The following MED12L variants were observed in gnomAD, a reference collection of about 807,000 sequenced individuals.
MED12L encodes the protein mediator of RNA polymerase II transcription subunit 12-like protein.
Under a neutral mutation model 281.3 loss-of-function variants are expected in MED12L, and 60 were observed. The ratio of observed to expected loss-of-function variants is 0.21; its 90% CI spans 0.17 to 0.26. MED12L has a LOEUF of 0.26. Among genes scored for constraint, MED12L ranks in the 10% least tolerant of loss-of-function variants. MED12L has a pLI of 1.00. For missense variants in MED12L, 2,146 were observed against 2,680.9 expected (o/e 0.80, Z 4.41); for synonymous variants, 974 against 987.2 (o/e 0.99, Z 0.25).
chr3:151,099,019 A>G (rs1721078228), intron 2 of MED12L, among the ~76,000 whole-genome samples: 1 of 152,196 alleles, frequency 6.6e-6, no homozygotes, highest in South Asian at 2.1e-4. Context: ...TAAAACCATC[A>G]GCTCTCATGA....
At chr3:151,196,239 T>G (rs1576938284) in intron 16 of MED12L, among the ~76,000 whole-genome samples, 6 of 152,324 alleles carry the variant, frequency 3.9e-5, no homozygotes. Context: ...ATTGATATTG[T>G]AGGATACATT....
At chr3:151,271,333 A>T (rs1740901621) in intron 16 of MED12L, among the ~76,000 whole-genome samples, 1 of 152,228 alleles carries the variant, frequency 6.6e-6, no homozygotes, top group Non-Finnish European at 1.5e-5. Flanking sequence ...CACCCATTAG[A>T]ATGGAAAAAA....
intron 21 of MED12L, among the ~76,000 whole-genome samples, chr3:151,362,305 C>T (rs781571032): frequency 6.6e-6 from 1 of 152,100 alleles, no homozygotes; most frequent in Non-Finnish European, 1.5e-5. Flanking sequence ...ATAAAATTCA[C>T]CATCCCTACC....
intron 21 of MED12L, 59 bp downstream of exon 21, chr3:151,360,664 C>T (rs1754495559): frequency 6.9e-7 from 1 of 1,459,134 alleles, no homozygotes; most frequent in Non-Finnish European, 9.4e-7. Flanking sequence ...TGTTAGTGAC[C>T]CTGACAATAT....
At chr3:151,097,241 T>C (rs537259882) in intron 2 of MED12L, among the ~76,000 whole-genome samples, 1 of 152,338 alleles carries the variant, frequency 6.6e-6, no homozygotes, top group African/African-American at 2.4e-5. Context: ...GGAAGCGATA[T>C]GTACATGACA....
chr3:151,344,686 CT>C (rs1431622495), intron 16 of MED12L, among the ~76,000 whole-genome samples: 1 of 152,118 alleles, frequency 6.6e-6, no homozygotes, highest in Non-Finnish European at 1.5e-5. Context: ...CATATTTTGT[CT>C]TATCAGAAGG....
At chr3:151,187,113 T>C (rs901115800) in intron 12 of MED12L, among the ~76,000 whole-genome samples, 1 of 152,208 alleles carries the variant, frequency 6.6e-6, no homozygotes, top group Non-Finnish European at 1.5e-5. Context: ...CTTGAAGATA[T>C]TAATGTTAAG....
intron 16 of MED12L, chr3:151,337,707 T>A (rs1751195473): frequency 1.9e-6 from 2 of 1,066,252 alleles, no homozygotes; most frequent in Admixed American, 4.4e-5. Flanking sequence ...TTCTTTAGAG[T>A]CATTATTATT....
intron 43 of MED12L, among the ~76,000 whole-genome samples, chr3:151,419,403 A>G (rs1386120678): frequency 2.6e-5 from 4 of 152,186 alleles, no homozygotes; most frequent in Admixed American, 6.5e-5. Flanking sequence ...CGGGAGAAAG[A>G]TGTAGGCTGG....
rs71801434 is a variant in MED12L at position 151,269,397 on chromosome 3, TCACACACACACACACACA to T, written c.2250+75758_2250+75775del. 2.1e-3 allele frequency: 307 copies of T among 144,784 alleles called. 3 individuals carry two copies. Among genetic ancestry groups the T allele is most frequent in the South Asian group, 0.013 (67 of 5,184 alleles). The allele number at this position is 144,784 out of a possible 1,614,324, so 9.0% of individuals were successfully genotyped here. The stretch of plus-strand genomic sequence containing the variant: ...CCTGGGCAACAAGAGTGAAACTCCA[TCACACACACACACACACA>T]CACACACACACACACACACACACAC... On this transcript the variant is annotated intron_variant, in intron 16 of 44. Transcript: ENST00000687756.
intron 16 of MED12L, chr3:151,199,365 A>C: frequency 6.2e-7 from 1 of 1,611,218 alleles, no homozygotes. Context: ...TAAACTGGGC[A>C]GAAGAACGAA....
chr3:151,201,382 C>CT (rs1725567871), intron 16 of MED12L, among the ~76,000 whole-genome samples: 1 of 152,146 alleles, frequency 6.6e-6, no homozygotes, highest in African/African-American at 2.4e-5. Context: ...GGTGGGGTCT[C>CT]TATTATTCTG....
chr3:151,150,851 G>A (rs1560096612), intron 5 of MED12L, among the ~76,000 whole-genome samples: 1 of 152,062 alleles, frequency 6.6e-6, no homozygotes, highest in Non-Finnish European at 1.5e-5. Flanking sequence ...CTTTTCTTCT[G>A]TAGCTTCCTC....
At chr3:151,337,827 G>A (rs1432722197) in intron 16 of MED12L, 2 of 1,613,758 alleles carry the variant, frequency 1.2e-6, no homozygotes, top group Admixed American at 1.7e-5. Flanking sequence ...TTACATTGGA[G>A]TCTCTTCATT....
At chr3:151,323,033 G>C (rs146795705) in intron 16 of MED12L, among the ~76,000 whole-genome samples, 1 of 152,138 alleles carries the variant, frequency 6.6e-6, no homozygotes, top group South Asian at 2.1e-4. Flanking sequence ...CTAGCAAATC[G>C]TTCAAGCTAA....
At chr3:151,382,475 C>T (rs776551162) in intron 32 of MED12L, among the ~76,000 whole-genome samples, 181 bp from the exon 33 acceptor site, 13 of 151,886 alleles carry the variant, frequency 8.6e-5, no homozygotes, top group Admixed American at 2.6e-4. Flanking sequence ...ACGGCAAATG[C>T]ACAAATAAAT....
chr3:151,157,729 GTAATTT>G (rs1719467478), intron 6 of MED12L, among the ~76,000 whole-genome samples: 1 of 152,114 alleles, frequency 6.6e-6, no homozygotes, highest in African/African-American at 2.4e-5. Context: ...TACTACAACT[GTAATTT>G]ATCAGTGTAA....
chr3:151,360,216 T>G (rs1754443189), intron 20 of MED12L, among the ~76,000 whole-genome samples: 1 of 152,178 alleles, frequency 6.6e-6, no homozygotes, highest in African/African-American at 2.4e-5. Flanking sequence ...ATACGTACCT[T>G]CTTTATGAAG....
chr3:151,387,376 C>T (rs1334837533), intron 36 of MED12L, among the ~76,000 whole-genome samples: 2 of 152,010 alleles, frequency 1.3e-5, no homozygotes, highest in Non-Finnish European at 2.9e-5. Flanking sequence ...AATACTAACC[C>T]AATTACAGGT....
Sources: gnomAD v4.1 joint callset for allele counts (sites outside exome capture counted in the v4.1 genomes callset) on GRCh38, gnomAD v4.1.1 for gene constraint, MANE v1.5 for transcripts, NCBI Gene and HGNC (gene_info 2026-07-23, HGNC 2026-07-21) for gene names.